CEP128: variants seen among roughly 807,000 people sequenced by gnomAD.
CEP128 encodes the protein centrosomal protein 128kDa.
CEP128 carries 132 observed loss-of-function variants against 156.7 expected under a neutral mutation model. That is an observed-to-expected ratio of 0.84 (90% CI 0.73 to 0.97). The LOEUF (loss-of-function observed/expected upper bound fraction) is 0.97, where lower values mean the gene tolerates loss of function less well. CEP128 is among the 50% of genes least tolerant of loss of function. The probability of loss-of-function intolerance (pLI) is 0.00; values close to 1 mark genes in which losing one functional copy is unlikely to be tolerated. For missense variants in CEP128, 1,252 were observed against 1,281.9 expected (o/e 0.98, Z 0.36); for synonymous variants, 469 against 448.9 (o/e 1.04, Z -0.57).
At position 80,647,049 on chromosome 14, in the gene CEP128, A is replaced by ATGTGTGTG. The variant is rs1425598200; in HGVS notation, c.2807-66627_2807-66626insCACACACA. Among the ~76,000 whole-genome samples the ATGTGTGTG allele has an allele frequency of 5.0e-3, 91 of 18,274 alleles. 2 individuals carry two copies. Among genetic ancestry groups the ATGTGTGTG allele is most frequent in the East Asian group, 0.026 (10 of 392 alleles). The allele number at this position is 18,274 out of a possible 152,430, so 12.0% of individuals were successfully genotyped here. Reference sequence around the variant, plus strand: ...TATATGTGTGCATGTATATATATATATATATATATATATATATATATATAT... The same window carrying ATGTGTGTG: ...TATATGTGTGCATGTATATATATATATGTGTGTGTATATATATATATATATATATATAT... On this transcript the variant is annotated intron_variant, in intron 19 of 24. Coordinates refer to ENST00000555265, the MANE Select transcript of CEP128 (RefSeq NM_152446.5).
chr14:80,648,719 T>A (rs1042826529), intron 19 of CEP128, among the ~76,000 whole-genome samples: 10 of 152,158 alleles, frequency 6.6e-5, no homozygotes, highest in African/African-American at 2.4e-4. Context: ...CATTCATTAA[T>A]TCATTCATTC....
rs200820641 is a variant in CEP128 at position 80,865,250 on chromosome 14, G to A, written c.646-2377C>T. 7.2e-5 allele frequency among the ~76,000 whole-genome samples: 11 copies of A among 152,310 alleles called. No individual in the cohort carries two copies. The East Asian group carries it at 1.2e-3, about 16-fold the overall frequency. ...GGTTCATCCATTTGTTGCTGCAAAT[G>A]ACAGGATTTCCTTCTTTTTAAAAAT... On this transcript the variant is annotated intron_variant, in intron 8 of 24. Transcript: ENST00000555265.
At chr14:80,749,055 C>A (rs1238188354) in intron 18 of CEP128, among the ~76,000 whole-genome samples, 1 of 152,128 alleles carries the variant, frequency 6.6e-6, no homozygotes, top group Non-Finnish European at 1.5e-5. Context: ...GGCTTCAGGT[C>A]TGCCCCACCA....
chr14:80,650,756 C>T (rs1428812016), intron 19 of CEP128, among the ~76,000 whole-genome samples: 2 of 152,060 alleles, frequency 1.3e-5, no homozygotes, highest in Admixed American at 6.6e-5. Flanking sequence ...CCTTTCATCC[C>T]AGGGATGAAG....
chr14:80,872,175 A>G (rs1246062967), intron 8 of CEP128, among the ~76,000 whole-genome samples: 1 of 152,196 alleles, frequency 6.6e-6, no homozygotes, highest in Non-Finnish European at 1.5e-5. Flanking sequence ...ATAATCAAAT[A>G]ACATGCAGTC....
chr14:80,708,280 G>C (rs1417181657), intron 19 of CEP128, among the ~76,000 whole-genome samples: 1 of 152,094 alleles, frequency 6.6e-6, no homozygotes, highest in Non-Finnish European at 1.5e-5. Flanking sequence ...AAATTAACTA[G>C]ATTCTGAGTC....
At chr14:80,795,672 T>C (rs951202811) in intron 13 of CEP128, among the ~76,000 whole-genome samples, 2 of 152,180 alleles carry the variant, frequency 1.3e-5, no homozygotes, top group African/African-American at 2.4e-5. Flanking sequence ...ACAAGGGCCA[T>C]TATGACAAAA....
upstream of CEP128, among the ~76,000 whole-genome samples, chr14:80,945,331 A>AT (rs1206063389): frequency 1.3e-5 from 2 of 152,146 alleles, no homozygotes; most frequent in Non-Finnish European, 2.9e-5. Context: ...TAAAGGTCCC[A>AT]TTTTCAAAAA....
intron 6 of CEP128, among the ~76,000 whole-genome samples, chr14:80,903,595 A>G (rs542123291): frequency 1.3e-5 from 2 of 152,054 alleles, no homozygotes; most frequent in Non-Finnish European, 2.9e-5. Flanking sequence ...TCTGCAAACC[A>G]TATGTCTGAC....
At chr14:80,546,444 C>T (rs1249448595) in intron 21 of CEP128, among the ~76,000 whole-genome samples, 6 of 152,130 alleles carry the variant, frequency 3.9e-5, no homozygotes, top group Admixed American at 6.5e-5. Flanking sequence ...CTGGAACAAA[C>T]GTACTCTTCT....
intron 19 of CEP128, among the ~76,000 whole-genome samples, chr14:80,673,767 C>A (rs577484655): frequency 2.0e-3 from 304 of 150,382 alleles, no homozygotes; most frequent in African/African-American, 7.3e-3. Flanking sequence ...GAGATATGAA[C>A]GCCTTTTCTT....
rs182975872 is a variant in CEP128 at position 80,676,102 on chromosome 14, T to A, written c.2806+66973A>T. ...CTATAATAAGTGTTGCTGGTATTTT[T>A]ATTAGAAATTTGTATCACTGCATCT... On this transcript the variant is annotated intron_variant, in intron 19 of 24. Transcript: ENST00000555265. Among the ~76,000 whole-genome samples the A allele has an allele frequency of 1.5e-3, 230 of 152,308 alleles. 2 individuals are homozygous for A. The Middle Eastern group carries it at 0.027, about 18-fold the overall frequency.
intron 19 of CEP128, among the ~76,000 whole-genome samples, chr14:80,606,091 T>C (rs1892766300): frequency 6.6e-6 from 1 of 152,202 alleles, no homozygotes; most frequent in Admixed American, 6.5e-5. Context: ...CACGGGTCAT[T>C]GCTTCTTTTA....
At chr14:80,478,557 A>G (rs1226927808) in intron 14 of CEP128, 1 of 152,200 alleles carries the variant, frequency 6.6e-6, no homozygotes, top group Non-Finnish European at 1.5e-5. Flanking sequence ...CATGCTTACC[A>G]GTATGTGATC....
chr14:80,820,164 T>A (rs1025598560), intron 13 of CEP128, among the ~76,000 whole-genome samples: 2 of 152,210 alleles, frequency 1.3e-5, no homozygotes, highest in Non-Finnish European at 2.9e-5. Flanking sequence ...TTTCACAATA[T>A]ATTAACAATA....
chr14:80,934,968 G>A (rs2139603137), intron 2 of CEP128, among the ~76,000 whole-genome samples: 1 of 152,192 alleles, frequency 6.6e-6, no homozygotes, highest in Non-Finnish European at 1.5e-5. Context: ...TCTGTACTAA[G>A]TGCTTTATGT....
chr14:80,863,647 G>C (rs1595515812), intron 8 of CEP128, among the ~76,000 whole-genome samples: 1 of 152,248 alleles, frequency 6.6e-6, no homozygotes, highest in East Asian at 1.9e-4. Flanking sequence ...TAAGGACACA[G>C]AAGACATTTG....
intron 19 of CEP128, among the ~76,000 whole-genome samples, chr14:80,653,309 T>C (rs1021890773): frequency 1.8e-4 from 27 of 151,974 alleles, no homozygotes; most frequent in African/African-American, 6.5e-4. Flanking sequence ...ATTCTACACA[T>C]GCACCCCAGA....
intron 21 of CEP128, among the ~76,000 whole-genome samples, chr14:80,553,047 A>G (rs1371040403): frequency 6.7e-6 from 1 of 150,370 alleles, no homozygotes; most frequent in Non-Finnish European, 1.5e-5. Flanking sequence ...CTTACGGTTT[A>G]CCATTCACAT....
Sources: gnomAD v4.1 joint callset for allele counts (sites outside exome capture counted in the v4.1 genomes callset) on GRCh38, gnomAD v4.1.1 for gene constraint, MANE v1.5 for transcripts, NCBI Gene and HGNC (gene_info 2026-07-23, HGNC 2026-07-21) for gene names.